The following CASQ2 variants were observed in gnomAD, a reference collection of about 807,000 sequenced individuals.
The protein encoded by CASQ2 is calsequestrin 2.
CASQ2 carries 49 observed loss-of-function variants against 46.5 expected under a neutral mutation model. That is an observed-to-expected ratio of 1.05 (90% CI 0.84 to 1.34). CASQ2 has a LOEUF of 1.34. Ranked by LOEUF, CASQ2 falls within the 40% of genes most tolerant of loss-of-function variation. The pLI is 0.00. For missense variants in CASQ2, 486 were observed against 481.3 expected (o/e 1.01, Z -0.09); for synonymous variants, 174 against 168.5 (o/e 1.03, Z -0.25).
chr1:115,737,934 A>T (rs1055777143), intron 4 of CASQ2, among the ~76,000 whole-genome samples: 1 of 152,210 alleles, frequency 6.6e-6, no homozygotes, highest in Non-Finnish European at 1.5e-5. Flanking sequence ...TCCGACTGGG[A>T]GGTGGGTAGG....
chr1:115,766,435 T>C (rs1202133309), intron 1 of CASQ2, among the ~76,000 whole-genome samples: 1 of 152,234 alleles, frequency 6.6e-6, no homozygotes, highest in Non-Finnish European at 1.5e-5. Context: ...TACCAAGTGC[T>C]TAGAACAGTC....
intron 5 of CASQ2, among the ~76,000 whole-genome samples, chr1:115,730,166 GC>G (rs1210485446): frequency 2.0e-5 from 3 of 152,288 alleles, no homozygotes; most frequent in African/African-American, 4.8e-5. Flanking sequence ...CCCAGACACT[GC>G]CACAACCCTA....
Position 115,700,743 on chromosome 1 carries a change from A to G in CASQ2, c.*498T>C. 2.5e-6 allele frequency: 1 copy of G among 405,472 alleles called. No homozygotes were observed. The highest frequency in any genetic ancestry group is 4.0e-5 in the Admixed American group (1 of 25,094). The allele number at this position is 405,472 out of a possible 1,614,324, so 25.1% of individuals were successfully genotyped here. ...CTTCCAAGGCTGAGCCTTCTCTAAG[A>G]AGGATCATCTTGGCTGGAGGAGGGA... On this transcript the variant is annotated 3_prime_UTR_variant, in exon 11 of 11. Coordinates refer to ENST00000261448, the MANE Select transcript of CASQ2 (RefSeq NM_001232.4).
rs72703628 is a variant in CASQ2 at position 115,728,256 on chromosome 1, T to C, written c.607-1134A>G. Among the ~76,000 whole-genome samples, 985 of 152,294 alleles carry C rather than the reference T, an allele frequency of 6.5e-3. 4 individuals carry two copies. The highest frequency in any genetic ancestry group is 0.011 in the Non-Finnish European group (773 of 68,022). ...AACATTGATATCCATATGGTTTTTG[T>C]CATCAATTGCTATGAATTCCAGGTC... On this transcript the variant is annotated intron_variant, in intron 5 of 10. Coordinates refer to ENST00000261448, the MANE Select transcript of CASQ2 (RefSeq NM_001232.4).
chr1:115,763,500 A>G (rs1649030134), intron 1 of CASQ2, among the ~76,000 whole-genome samples: 1 of 152,322 alleles, frequency 6.6e-6, no homozygotes, highest in Non-Finnish European at 1.5e-5. Flanking sequence ...CATTTCCAGT[A>G]CCCAGCTCCC....
intron 9 of CASQ2, 24 bp from the exon 10 acceptor site, chr1:115,703,019 T>C (rs1206350854): frequency 6.3e-7 from 1 of 1,594,734 alleles, no homozygotes; most frequent in Non-Finnish European, 8.6e-7. Flanking sequence ...AAAATAAGAT[T>C]AGACAGCAGG....
chr1:115,759,897 C>A (rs1236149959), intron 1 of CASQ2, among the ~76,000 whole-genome samples: 2 of 152,210 alleles, frequency 1.3e-5, no homozygotes, highest in African/African-American at 4.8e-5. Flanking sequence ...CAACTCTGAA[C>A]CCTGACCTGA....
intron 2 of CASQ2, among the ~76,000 whole-genome samples, chr1:115,742,969 T>G (rs1176383110): frequency 6.6e-6 from 1 of 151,848 alleles, no homozygotes; most frequent in East Asian, 2.0e-4. Context: ...TTTGTATTTT[T>G]AGTAGAGACG....
chr1:115,713,739 TC>T (rs1446473948), intron 8 of CASQ2, among the ~76,000 whole-genome samples: 1 of 152,130 alleles, frequency 6.6e-6, no homozygotes, highest in African/African-American at 2.4e-5. Flanking sequence ...CCTGCTCGTG[TC>T]CCCTTCCCCA....
At chr1:115,711,868 T>A (rs1654558815) in intron 8 of CASQ2, among the ~76,000 whole-genome samples, 2 of 152,174 alleles carry the variant, frequency 1.3e-5, no homozygotes, top group South Asian at 4.1e-4. Context: ...TTGGCCAGAC[T>A]GGTCTCGAAC....
intron 3 of CASQ2, among the ~76,000 whole-genome samples, chr1:115,739,715 A>C (rs1648115951): frequency 6.6e-6 from 1 of 152,266 alleles, no homozygotes. Context: ...AAACACAGTT[A>C]TCTGTGATTT....
Position 115,701,142 on chromosome 1 carries a change from T to C in CASQ2, c.*99A>G, listed in dbSNP as rs1367800097. 1.3e-6 allele frequency: 2 copies of C among 1,586,046 alleles called. No homozygotes were observed. The highest frequency in any genetic ancestry group is 2.7e-5 in the African/African-American group (2 of 74,380). On this transcript the variant is annotated 3_prime_UTR_variant, in exon 11 of 11. Transcript: ENST00000261448. The stretch of plus-strand genomic sequence containing the variant: ...GAGATGATGGAAAAGGGAAAGGAGC[T>C]GGCTGGGTGTGGGGCAGAATTGCTT...
At chr1:115,708,674 C>T (rs1046609560) in intron 8 of CASQ2, among the ~76,000 whole-genome samples, 3 of 152,156 alleles carry the variant, frequency 2.0e-5, no homozygotes, top group Non-Finnish European at 4.4e-5. Flanking sequence ...AAGGTTTAGC[C>T]ATTATTTTAC....
chr1:115,706,540 G>GACCTTAATT, intron 8 of CASQ2, among the ~76,000 whole-genome samples: 1 of 152,284 alleles, frequency 6.6e-6, no homozygotes, highest in East Asian at 1.9e-4. Flanking sequence ...TGGGGTGGAG[G>GACCTTAATT]ACCTTAATTA....
At position 115,739,412 on chromosome 1, in the gene CASQ2, G is replaced by A. The variant is rs555215510; in HGVS notation, c.421-1077C>T. On this transcript the variant is annotated intron_variant, in intron 3 of 10. Coordinates refer to ENST00000261448, the MANE Select transcript of CASQ2 (RefSeq NM_001232.4). ...TTACAGGCATGAGCCACCACGCTCCGCCATGTACCACATTTTTTTTAATCC... is the reference window on the plus strand; with the variant it reads ...TTACAGGCATGAGCCACCACGCTCCACCATGTACCACATTTTTTTTAATCC... Among the ~76,000 whole-genome samples, 7 of 152,056 alleles carry A rather than the reference G, an allele frequency of 4.6e-5. No homozygotes were observed. In the East Asian group the frequency reaches 5.8e-4, roughly 13 times the overall value.
At chr1:115,762,645 T>C (rs1441601855) in intron 1 of CASQ2, among the ~76,000 whole-genome samples, 1 of 152,252 alleles carries the variant, frequency 6.6e-6, no homozygotes, top group Non-Finnish European at 1.5e-5. Flanking sequence ...TCCTTCCTCT[T>C]TTCCTTCTAT....
intron 8 of CASQ2, among the ~76,000 whole-genome samples, chr1:115,706,793 C>G (rs1310748207): frequency 2.6e-5 from 4 of 152,132 alleles, no homozygotes; most frequent in African/African-American, 9.7e-5. Context: ...GTTTAGCAAA[C>G]CTCTCCTCTC....
At chr1:115,748,404 G>A (rs12140550) in intron 1 of CASQ2, among the ~76,000 whole-genome samples, 41,396 of 151,566 alleles carry the variant, frequency 0.27, 6,050 homozygotes, top group East Asian at 0.43. Context: ...TCCCTTCTTC[G>A]AAGAGCAAGG....
chr1:115,700,188 A>G lies in CASQ2; in HGVS notation c.*1053T>C, dbSNP rs1479473975. 1.3e-5 allele frequency: 2 copies of G among 152,396 alleles called. No homozygotes were observed. Among genetic ancestry groups the G allele is most frequent in the Non-Finnish European group, 1.5e-5 (1 of 68,010 alleles). The allele number at this position is 152,396 out of a possible 1,614,324, so 9.4% of individuals were successfully genotyped here. On this transcript the variant is annotated 3_prime_UTR_variant, in exon 11 of 11. Transcript: ENST00000261448. ...CTTAACACTAAATCTACCAAGCACA[A>G]TGTAACTTTTAGACAGCTCAGAAGG...
Sources: gnomAD v4.1 joint callset for allele counts (sites outside exome capture counted in the v4.1 genomes callset) on GRCh38, gnomAD v4.1.1 for gene constraint, MANE v1.5 for transcripts, NCBI Gene and HGNC (gene_info 2026-07-23, HGNC 2026-07-21) for gene names.